Variants in CDH22 observed in about 807,000 individuals in gnomAD.
CDH22 encodes the protein cadherin 22.
A neutral mutation model predicts 58.4 loss-of-function variants in CDH22; 30 were observed. That is an observed-to-expected ratio of 0.51 (90% CI 0.38 to 0.70). CDH22 has a LOEUF of 0.70. Ranked by LOEUF, CDH22 falls within the 30% of genes least tolerant of loss-of-function variation. CDH22 has a pLI of 0.00. For synonymous variants in CDH22, 513 were observed against 558.2 expected (o/e 0.92, Z 1.14); for missense variants, 1,014 against 1,233.9 (o/e 0.82, Z 2.67).
intron 8 of CDH22, among the ~76,000 whole-genome samples, chr20:46,193,343 C>G (rs1026171409): frequency 1.2e-4 from 18 of 152,094 alleles, no homozygotes; most frequent in African/African-American, 3.9e-4. Context: ...CCATGCAGAG[C>G]TGTGACATGT....
intron 1 of CDH22, among the ~76,000 whole-genome samples, chr20:46,259,567 A>G (rs1190534388): frequency 2.0e-5 from 3 of 152,256 alleles, no homozygotes; most frequent in Non-Finnish European, 4.4e-5. Context: ...CAAAAAATAA[A>G]ACCTGGAAAA....
intron 3 of CDH22, among the ~76,000 whole-genome samples, chr20:46,233,174 G>T (rs188401736): frequency 7.2e-5 from 11 of 152,300 alleles, no homozygotes; most frequent in Non-Finnish European, 1.5e-5. Context: ...GTGAAGTTTG[G>T]CCTGGTGGGG....
rs1464463404 is a variant in CDH22 at position 46,261,633 on chromosome 20, G to T, written c.-399-9940C>A. ...CTGGCTTCCAGGGCTGCCAGTGGGA[G>T]CGGTGCCTGACAGTCTGGCTCCTGT... On this transcript the variant is annotated intron_variant, in intron 1 of 11. Transcript: ENST00000537909. Among the ~76,000 whole-genome samples the T allele has an allele frequency of 5.3e-5, 8 of 152,264 alleles. No homozygotes were observed. In the East Asian group the frequency reaches 1.5e-3, roughly 29 times the overall value.
intron 8 of CDH22, among the ~76,000 whole-genome samples, chr20:46,194,223 C>A (rs1053902327): frequency 2.0e-5 from 3 of 152,164 alleles, no homozygotes; most frequent in Non-Finnish European, 4.4e-5. Flanking sequence ...ATCACTGGGT[C>A]TCAGAGCCCA....
intron 1 of CDH22, among the ~76,000 whole-genome samples, chr20:46,286,530 T>C (rs1026631854): frequency 6.6e-6 from 1 of 152,172 alleles, no homozygotes; most frequent in Non-Finnish European, 1.5e-5. Context: ...AGCTTTTCAT[T>C]TCAGTGGCCG....
chr20:46,187,805 T>C (rs2085837339), intron 8 of CDH22, among the ~76,000 whole-genome samples: 1 of 152,112 alleles, frequency 6.6e-6, no homozygotes, highest in Admixed American at 6.5e-5. Context: ...GCATCTACAT[T>C]CATTATTTTA....
intron 7 of CDH22, among the ~76,000 whole-genome samples, chr20:46,206,533 A>G (rs1568658088): frequency 6.6e-6 from 1 of 152,010 alleles, no homozygotes; most frequent in Non-Finnish European, 1.5e-5. Flanking sequence ...GGGACACGCC[A>G]AGCTTGTTCC....
At position 46,216,522 on chromosome 20, in the gene CDH22, C is replaced by T. The variant is rs1166147383; in HGVS notation, c.838+304G>A. 1.3e-5 allele frequency among the ~76,000 whole-genome samples: 2 copies of T among 152,022 alleles called. No individual in the cohort carries two copies. Among genetic ancestry groups the T allele is most frequent in the South Asian group, 2.1e-4 (1 of 4,816 alleles). Reference sequence around the variant, plus strand: ...GGCCAGTGAGGGGTTGGAGGATGGACGGAAGGGTGGATGGGTGGGGCTCCC... The same window carrying T: ...GGCCAGTGAGGGGTTGGAGGATGGATGGAAGGGTGGATGGGTGGGGCTCCC... On this transcript the variant is annotated intron_variant, in intron 5 of 11. Transcript: ENST00000537909. This position sits in a 1 kb window ranked among gnomAD's most constrained non-coding sequence, Gnocchi z 5.3.
At chr20:46,272,243 G>A (rs1482423263) in intron 1 of CDH22, among the ~76,000 whole-genome samples, 1 of 152,206 alleles carries the variant, frequency 6.6e-6, no homozygotes, top group East Asian at 1.9e-4. Flanking sequence ...ATGGTGGTGT[G>A]ATACTTACTA....
chr20:46,245,631 C>A (rs1212575044), intron 2 of CDH22, among the ~76,000 whole-genome samples: 1 of 152,146 alleles, frequency 6.6e-6, no homozygotes, highest in South Asian at 2.1e-4. Flanking sequence ...GCACCCAGCA[C>A]GGGGCACAGC....
intron 7 of CDH22, among the ~76,000 whole-genome samples, chr20:46,208,752 C>T (rs896904828): frequency 6.6e-6 from 1 of 152,180 alleles, no homozygotes; most frequent in African/African-American, 2.4e-5. Flanking sequence ...CGCTACCACA[C>T]CCGGCTAATT....
intron 1 of CDH22, among the ~76,000 whole-genome samples, chr20:46,294,676 A>C (rs1468760515): frequency 6.6e-6 from 1 of 152,126 alleles, no homozygotes; most frequent in Non-Finnish European, 1.5e-5. Context: ...TCCCTTCTCC[A>C]CAGGGCTCCC....
At chr20:46,229,034 C>T (rs149414135) in intron 3 of CDH22, among the ~76,000 whole-genome samples, 59 of 152,308 alleles carry the variant, frequency 3.9e-4, no homozygotes, top group Non-Finnish European at 6.9e-4. Flanking sequence ...CCCTGCAATG[C>T]GCCTCTCTCT....
chr20:46,259,727 A>G (rs73295857), intron 1 of CDH22, among the ~76,000 whole-genome samples: 3,588 of 152,334 alleles, frequency 0.024, 59 homozygotes, highest in South Asian at 0.049. Flanking sequence ...GAGATGAAGT[A>G]GGAAATTACT....
At chr20:46,264,065 G>A (rs2086446942) in intron 1 of CDH22, among the ~76,000 whole-genome samples, 1 of 151,364 alleles carries the variant, frequency 6.6e-6, no homozygotes, top group Admixed American at 6.6e-5. Context: ...ACGAGGGAGG[G>A]AGAGACATCA....
At chr20:46,273,034 A>C (rs1483371235) in intron 1 of CDH22, among the ~76,000 whole-genome samples, 1 of 152,114 alleles carries the variant, frequency 6.6e-6, no homozygotes, top group Non-Finnish European at 1.5e-5. Context: ...GAGGCTTCCA[A>C]TCCATGATTT....
At chr20:46,178,327 G>A (rs1306618727) in intron 10 of CDH22, 130 bp from the exon 11 acceptor site, 1 of 992,984 alleles carries the variant, frequency 1.0e-6, no homozygotes, top group Non-Finnish European at 1.5e-6. Context: ...ATGGACTCAT[G>A]GGTCTCTTCT....
At position 46,210,289 on chromosome 20, in the gene CDH22, C is replaced by T. The variant is rs1297327886; in HGVS notation, c.1286+18G>A. On this transcript the variant is annotated intron_variant, in intron 7 of 11. Coordinates refer to ENST00000537909, the MANE Select transcript of CDH22 (RefSeq NM_021248.3). This position sits in a 1 kb window ranked among gnomAD's most constrained non-coding sequence, Gnocchi z 4.5. ...GGGATAGCAGGCAGCAGGCGTCGGC[C>T]CCGGGCGGGGGTCTCACCGGACGGG... 3.6e-6 allele frequency: 5 copies of T among 1,390,264 alleles called. No individual in the cohort carries two copies. The highest frequency in any genetic ancestry group is 3.5e-5 in the Admixed American group (1 of 28,656). 86.1% of individuals were successfully genotyped at this position (1,390,264 alleles called of 1,614,324 possible).
chr20:46,225,825 G>T (rs2086167202), intron 4 of CDH22, among the ~76,000 whole-genome samples: 1 of 151,380 alleles, frequency 6.6e-6, no homozygotes, highest in African/African-American at 2.4e-5. Flanking sequence ...TTTAATGTTT[G>T]AATGTTTTAT....
Sources: allele counts gnomAD v4.1 joint callset (sites outside exome capture counted in the v4.1 genomes callset), GRCh38; gene constraint gnomAD v4.1.1; non-coding constraint Gnocchi (gnomAD v3.1); transcripts MANE v1.5; gene names NCBI Gene and HGNC (gene_info 2026-07-23, HGNC 2026-07-21).